The following TMEM135 variants were observed in gnomAD, a reference collection of about 807,000 sequenced individuals.
TMEM135 encodes peroxisomal membrane protein 52.
Under a neutral mutation model 60.3 loss-of-function variants are expected in TMEM135, and 30 were observed. The observed-to-expected ratio is 0.50, with a 90% CI of 0.37 to 0.68. The LOEUF is 0.68. Ranked by LOEUF, TMEM135 falls within the 30% of genes least tolerant of loss-of-function variation. The pLI, the probability that TMEM135 is intolerant of heterozygous loss-of-function variation, is 0.00. For synonymous variants in TMEM135, 190 were observed against 186.7 expected, an observed-to-expected ratio of 1.02 and a Z score of -0.14; for missense variants, 468 against 548.8, an observed-to-expected ratio of 0.85 and a Z score of 1.47.
chr11:87,112,591 T>C (rs536390434), intron 4 of TMEM135, among the ~76,000 whole-genome samples: 11 of 152,288 alleles, frequency 7.2e-5, no homozygotes, highest in African/African-American at 1.2e-4. Context: ...CAAGGTTAAA[T>C]ATCATCTTTA....
chr11:87,285,471 T>G (rs764499089), intron 6 of TMEM135, among the ~76,000 whole-genome samples: 1 of 152,130 alleles, frequency 6.6e-6, no homozygotes, highest in African/African-American at 2.4e-5. Flanking sequence ...ATGGACTCAC[T>G]GGCTTCAGGA....
intron 5 of TMEM135, among the ~76,000 whole-genome samples, chr11:87,179,232 A>G (rs1433919725): frequency 6.6e-6 from 1 of 151,532 alleles, no homozygotes; most frequent in African/African-American, 2.4e-5. Flanking sequence ...CTTATTACTG[A>G]ATTGCAGGAG....
intron 4 of TMEM135, among the ~76,000 whole-genome samples, chr11:87,155,082 T>C (rs1389839774): frequency 7.3e-6 from 1 of 137,468 alleles, no homozygotes. Flanking sequence ...CACTGCAACC[T>C]CCGTCTCCCA....
chr11:87,068,815 A>T (rs1856718016), intron 2 of TMEM135, among the ~76,000 whole-genome samples: 1 of 151,950 alleles, frequency 6.6e-6, no homozygotes, highest in African/African-American at 2.4e-5. Context: ...TCTCAAAAAA[A>T]AAAAAAAAAA....
chr11:87,199,929 CATAA>C (rs1167735538), intron 5 of TMEM135, among the ~76,000 whole-genome samples: 6 of 152,102 alleles, frequency 3.9e-5, no homozygotes, highest in South Asian at 2.1e-4. Context: ...GACTCCATCT[CATAA>C]ATAAATAAAT....
chr11:87,038,609 C>CTTTTTTTTTTTTTTTTTT (rs3045930), intron 1 of TMEM135, among the ~76,000 whole-genome samples: 7 of 113,914 alleles, frequency 6.1e-5, no homozygotes, highest in African/African-American at 1.7e-4. Flanking sequence ...TTTTATTTTG[C>CTTTTTTTTTTTTTTTTTT]TTTTTTTTTT....
chr11:87,040,459 G>A (rs1949740536), intron 1 of TMEM135, among the ~76,000 whole-genome samples: 1 of 151,946 alleles, frequency 6.6e-6, no homozygotes, highest in Non-Finnish European at 1.5e-5. Flanking sequence ...AGGCGTTCGA[G>A]ACCAGCCAGC....
intron 6 of TMEM135, among the ~76,000 whole-genome samples, chr11:87,293,958 A>T (rs563504566): frequency 6.6e-6 from 1 of 152,304 alleles, no homozygotes; most frequent in South Asian, 2.1e-4. Context: ...CCATGGTTGA[A>T]CTAATTTACA....
Position 87,111,491 on chromosome 11 carries a change from C to CA in TMEM135, c.396+20106dup, listed in dbSNP as rs1221278517. Among the ~76,000 whole-genome samples the CA allele has an allele frequency of 4.6e-3, 660 of 143,466 alleles. 7 individuals are homozygous for CA. Among genetic ancestry groups the CA allele is most frequent in the Middle Eastern group, 0.017 (5 of 290 alleles). The allele number at this position is 143,466 out of a possible 152,430, so 94.1% of individuals were successfully genotyped here. On this transcript the variant is annotated intron_variant, in intron 4 of 14. Transcript: ENST00000305494. ...TGAAACCCTGTCTCTACTAAAAATACAAAAAAAAAATTAGCCAGGCGTGGT... is the reference window on the plus strand; with the variant it reads ...TGAAACCCTGTCTCTACTAAAAATACAAAAAAAAAAATTAGCCAGGCGTGGT...
chr11:87,072,024 G>A (rs575588062), intron 3 of TMEM135, among the ~76,000 whole-genome samples: 95 of 151,414 alleles, frequency 6.3e-4, no homozygotes, highest in African/African-American at 2.2e-3. Flanking sequence ...CTGTCTCTAC[G>A]AAAAAAAATA....
chr11:87,272,559 C>CA (rs760533943), intron 6 of TMEM135, among the ~76,000 whole-genome samples: 6 of 152,232 alleles, frequency 3.9e-5, no homozygotes, highest in Non-Finnish European at 5.9e-5. Flanking sequence ...CTCCCAGGCT[C>CA]AAGTGAGCTT....
rs1219304186 is a variant in TMEM135 at position 87,323,769 on chromosome 11, C to G, written c.*2436C>G. 5 of 453,814 alleles carry G rather than the reference C, an allele frequency of 1.1e-5. No individual in the cohort carries two copies. The highest frequency in any genetic ancestry group is 2.2e-5 in the Non-Finnish European group (5 of 226,744). 28.1% of individuals were successfully genotyped at this position (453,814 alleles called of 1,614,324 possible). ...GAGTTTGCAAGATAACAGATTGTCT[C>G]AAATCTATTCAATTCTCAGCAGTTT... On this transcript the variant is annotated 3_prime_UTR_variant, in exon 15 of 15. Coordinates refer to ENST00000305494, the MANE Select transcript of TMEM135 (RefSeq NM_022918.4).
chr11:87,322,909 G>A lies in TMEM135; in HGVS notation c.*1576G>A, dbSNP rs1309971485. 3 of 454,106 alleles carry A rather than the reference G, an allele frequency of 6.6e-6. No individual in the cohort carries two copies. Among genetic ancestry groups the A allele is most frequent in the Non-Finnish European group, 1.3e-5 (3 of 226,680 alleles). The allele number at this position is 454,106 out of a possible 1,614,324, so 28.1% of individuals were successfully genotyped here. ...GGCAATGCTGTTAAAGGATCATTTCGGTTTCAGACTTCAAAGTTGATTAAT... is the reference window on the plus strand; with the variant it reads ...GGCAATGCTGTTAAAGGATCATTTCAGTTTCAGACTTCAAAGTTGATTAAT... On this transcript the variant is annotated 3_prime_UTR_variant, in exon 15 of 15. Transcript: ENST00000305494.
chr11:87,269,566 A>G (rs938581794), intron 6 of TMEM135, among the ~76,000 whole-genome samples: 5 of 151,522 alleles, frequency 3.3e-5, no homozygotes, highest in East Asian at 1.9e-4. Flanking sequence ...TCATTGTTCA[A>G]TTCCCACCTA....
At chr11:87,277,220 C>T (rs767804708) in intron 6 of TMEM135, 2 of 343,034 alleles carry the variant, frequency 5.8e-6, no homozygotes, top group South Asian at 2.1e-5. Context: ...CAACCTGCAC[C>T]TCCCGGGTTC....
chr11:87,234,295 T>C (rs1256611015), intron 5 of TMEM135, among the ~76,000 whole-genome samples: 3 of 152,072 alleles, frequency 2.0e-5, no homozygotes, highest in Non-Finnish European at 2.9e-5. Context: ...TTTAAAAATA[T>C]ATTCTCTCAC....
At chr11:87,095,315 C>A in intron 4 of TMEM135, 1 of 204,486 alleles carries the variant, frequency 4.9e-6, no homozygotes, top group South Asian at 9.6e-5. Context: ...TGCCTATGTT[C>A]TTCTGCCACC....
In TMEM135 at chr11:87,327,535, G is replaced by C. The variant is rs543450226; in HGVS notation, c.*6202G>C. ...ATAGGGATAGAGAGATACATAGAGA[G>C]AGATATGAGAGGGATAGAGAGAGAC... On this transcript the variant is annotated 3_prime_UTR_variant, in exon 15 of 15. Coordinates refer to ENST00000305494, the MANE Select transcript of TMEM135 (RefSeq NM_022918.4). 1.8e-5 allele frequency: 8 copies of C among 453,156 alleles called. No individual in the cohort carries two copies. The East Asian group carries it at 5.6e-4, about 32-fold the overall frequency. The allele number at this position is 453,156 out of a possible 1,614,324, so 28.1% of individuals were successfully genotyped here.
rs541284987 is a variant in TMEM135, at chr11:87,180,145, C to A, written c.462+22739C>A. The stretch of plus-strand genomic sequence containing the variant: ...CACTGTTTTCTTTGTGTTTTGTATT[C>A]TGGTTTTTGTTTTACTTTTCTGGTG... On this transcript the variant is annotated intron_variant, in intron 5 of 14. Transcript: ENST00000305494. Among the ~76,000 whole-genome samples, 8 of 152,162 alleles carry A rather than the reference C, an allele frequency of 5.3e-5. No individual in the cohort carries two copies. The South Asian group carries it at 1.7e-3, about 32-fold the overall frequency.
Sources: gnomAD v4.1 joint callset for allele counts (sites outside exome capture counted in the v4.1 genomes callset) on GRCh38, gnomAD v4.1.1 for gene constraint, MANE v1.5 for transcripts, NCBI Gene and HGNC (gene_info 2026-07-23, HGNC 2026-07-21) for gene names.